SHROOM3: variants seen among roughly 807,000 people sequenced by gnomAD.
SHROOM3 encodes the protein protein Shroom3.
SHROOM3 carries 47 observed loss-of-function variants against 138.6 expected under a neutral mutation model. The ratio of observed to expected loss-of-function variants is 0.34; its 90% CI spans 0.27 to 0.43. The LOEUF (loss-of-function observed/expected upper bound fraction) is 0.43, where lower values mean the gene tolerates loss of function less well. SHROOM3 is among the 20% of genes least tolerant of loss of function. The pLI is 1.00. For synonymous variants in SHROOM3, 1,062 were observed against 1,063.3 expected (o/e 1.00, Z 0.02); for missense variants, 2,491 against 2,596.5 (o/e 0.96, Z 0.88).
intron 2 of SHROOM3, among the ~76,000 whole-genome samples, chr4:76,596,126 A>G (rs896574935): frequency 2.6e-5 from 4 of 152,200 alleles, no homozygotes; most frequent in Non-Finnish European, 5.9e-5. Context: ...GACCCCATGC[A>G]TGACAGTGGT....
At chr4:76,689,394 G>T (rs1027410951) in intron 2 of SHROOM3, among the ~76,000 whole-genome samples, 2 of 132,294 alleles carry the variant, frequency 1.5e-5, no homozygotes, top group African/African-American at 5.3e-5. Context: ...GGCCCCTCGG[G>T]TGCGGCGGGC....
At chr4:76,505,276 T>C (rs976646515) in intron 1 of SHROOM3, among the ~76,000 whole-genome samples, 13 of 152,238 alleles carry the variant, frequency 8.5e-5, no homozygotes, top group Admixed American at 8.5e-4. Context: ...CTTACTAAGG[T>C]TCTTGAGAAG....
chr4:76,513,497 A>G (rs1351312455), intron 1 of SHROOM3, among the ~76,000 whole-genome samples: 1 of 152,128 alleles, frequency 6.6e-6, no homozygotes, highest in East Asian at 1.9e-4. Context: ...TATTTTTAGT[A>G]GAGATGGGGT....
At chr4:76,708,578 T>A (rs1720133705) in intron 2 of SHROOM3, among the ~76,000 whole-genome samples, 1 of 152,084 alleles carries the variant, frequency 6.6e-6, no homozygotes, top group Non-Finnish European at 1.5e-5. Flanking sequence ...GGTCTTGGAG[T>A]GTGCTGTTTA....
chr4:76,466,620 G>T (rs1731254225), intron 1 of SHROOM3, among the ~76,000 whole-genome samples: 1 of 152,088 alleles, frequency 6.6e-6, no homozygotes, highest in Non-Finnish European at 1.5e-5. Context: ...TTAGCCTTTT[G>T]TTCAATGTAA....
intron 10 of SHROOM3, among the ~76,000 whole-genome samples, chr4:76,771,302 C>T (rs13112443): frequency 0.059 from 8,885 of 151,558 alleles, 287 homozygotes; most frequent in Non-Finnish European, 0.071. Context: ...CGCTTGAACC[C>T]GGGAGGCAGA....
intron 2 of SHROOM3, among the ~76,000 whole-genome samples, chr4:76,640,397 C>T (rs757856963): frequency 6.6e-5 from 10 of 152,192 alleles, no homozygotes; most frequent in Admixed American, 3.3e-4. Flanking sequence ...GTGCTCTTCA[C>T]GCTCACCTGC....
At chr4:76,573,188 G>A (rs1049109670) in intron 2 of SHROOM3, among the ~76,000 whole-genome samples, 8 of 151,748 alleles carry the variant, frequency 5.3e-5, no homozygotes, top group Non-Finnish European at 1.0e-4. Flanking sequence ...GGCACAACAA[G>A]GTAAGGTGGC....
At position 76,635,814 on chromosome 4, in the gene SHROOM3, AG is replaced by A. The variant is rs549848082; in HGVS notation, c.324-74339del. Reference sequence around the variant, plus strand: ...GAGATGTGAGGTCCTCTGGATCATCAGGGTTGGCAAAAGCACGCAGCAGAAC... The same window carrying A: ...GAGATGTGAGGTCCTCTGGATCATCAGGTTGGCAAAAGCACGCAGCAGAAC... On this transcript the variant is annotated intron_variant, in intron 2 of 10. Coordinates refer to ENST00000296043, the MANE Select transcript of SHROOM3 (RefSeq NM_020859.4). Among the ~76,000 whole-genome samples, 979 of 152,312 alleles carry A rather than the reference AG, an allele frequency of 6.4e-3. 8 individuals carry two copies. The highest frequency in any genetic ancestry group is 0.02 in the Middle Eastern group (6 of 294).
intron 2 of SHROOM3, among the ~76,000 whole-genome samples, chr4:76,611,778 C>A (rs972024048): frequency 2.0e-5 from 3 of 152,160 alleles, no homozygotes; most frequent in African/African-American, 7.2e-5. Flanking sequence ...CTGGATCAGC[C>A]TGACTTGGGG....
chr4:76,726,541 TAA>T (rs61455146), intron 3 of SHROOM3, among the ~76,000 whole-genome samples: 22 of 90,816 alleles, frequency 2.4e-4, no homozygotes, highest in East Asian at 3.2e-4. Flanking sequence ...CCCCTCCATC[TAA>T]AAAAAAAAAA....
intron 2 of SHROOM3, among the ~76,000 whole-genome samples, chr4:76,633,868 T>C (rs1046890433): frequency 6.6e-6 from 1 of 152,134 alleles, no homozygotes; most frequent in Non-Finnish European, 1.5e-5. Context: ...TATCCTTTAA[T>C]ACCAGGCAAA....
chr4:76,750,290 CAACA>C (rs1721576985), intron 6 of SHROOM3, among the ~76,000 whole-genome samples: 1 of 151,940 alleles, frequency 6.6e-6, no homozygotes, highest in Non-Finnish European at 1.5e-5. Context: ...CGGGACGAAA[CAACA>C]AACAATCAAA....
At chr4:76,581,670 A>G (rs1734056456) in intron 2 of SHROOM3, among the ~76,000 whole-genome samples, 1 of 152,198 alleles carries the variant, frequency 6.6e-6, no homozygotes, top group African/African-American at 2.4e-5. Context: ...TGACTCTTTC[A>G]GACATACTTG....
chr4:76,535,501 T>C (rs1732932206), intron 1 of SHROOM3, among the ~76,000 whole-genome samples: 1 of 152,250 alleles, frequency 6.6e-6, no homozygotes, highest in South Asian at 2.1e-4. Flanking sequence ...CTGGAAGTTA[T>C]GGTGATCTTG....
At chr4:76,525,196 G>A (rs1431190984) in intron 1 of SHROOM3, among the ~76,000 whole-genome samples, 1 of 152,098 alleles carries the variant, frequency 6.6e-6, no homozygotes, top group Non-Finnish European at 1.5e-5. Context: ...CAAATTGCTG[G>A]GGAGGCCTCA....
rs1271516743 is a variant in SHROOM3 at position 76,721,166 on chromosome 4, C to T, written c.456-9638C>T. On this transcript the variant is annotated intron_variant, in intron 3 of 10. Coordinates refer to ENST00000296043, the MANE Select transcript of SHROOM3 (RefSeq NM_020859.4). ...CTCTACTAAAAATACAAAAAATTAG[C>T]CGGGCGTAGTGGCGGGCGCCTGTAG... 4.6e-5 allele frequency among the ~76,000 whole-genome samples: 7 copies of T among 151,616 alleles called. No homozygotes were observed. The South Asian group carries it at 1.5e-3, about 32-fold the overall frequency.
In SHROOM3 at chr4:76,634,347, G is replaced by A. The variant is rs116205228; in HGVS notation, c.324-75809G>A. ...CCTAGCAGACGTTGGTGGCCAGGAA[G>A]TGCCCTAGACTGGAATTATTTTTGT... On this transcript the variant is annotated intron_variant, in intron 2 of 10. Coordinates refer to ENST00000296043, the MANE Select transcript of SHROOM3 (RefSeq NM_020859.4). Among the ~76,000 whole-genome samples, 1,128 of 152,278 alleles carry A rather than the reference G, an allele frequency of 7.4e-3. 14 individuals carry two copies. Among genetic ancestry groups the A allele is most frequent in the African/African-American group, 0.026 (1,081 of 41,550 alleles).
intron 2 of SHROOM3, among the ~76,000 whole-genome samples, chr4:76,661,745 C>T (rs1389520468): frequency 6.6e-6 from 1 of 152,002 alleles, no homozygotes; most frequent in Non-Finnish European, 1.5e-5. Context: ...TGTGTTGTTG[C>T]TTGTATTAAT....
Sources: gnomAD v4.1 joint callset for allele counts (sites outside exome capture counted in the v4.1 genomes callset) on GRCh38, gnomAD v4.1.1 for gene constraint, MANE v1.5 for transcripts, NCBI Gene and HGNC (gene_info 2026-07-23, HGNC 2026-07-21) for gene names.